EYS: variants seen among roughly 807,000 people sequenced by gnomAD.
EYS encodes EGF-like photoreceptor maintenance factor, also known as protein eyes shut homolog.
In EYS, 250 loss-of-function variants were observed where a neutral mutation model predicts 282.1. The observed-to-expected ratio is 0.89, with a 90% CI of 0.80 to 0.98. The LOEUF (loss-of-function observed/expected upper bound fraction) is 0.98, where lower values mean the gene tolerates loss of function less well. EYS is among the 50% of genes least tolerant of loss of function. EYS has a pLI of 0.00. For missense variants in EYS, 4,016 were observed against 3,709.0 expected (o/e 1.08, Z -2.15); for synonymous variants, 1,355 against 1,282.9 (o/e 1.06, Z -1.20).
intron 41 of EYS, among the ~76,000 whole-genome samples, chr6:63,737,290 A>G (rs1252249995): frequency 1.3e-5 from 2 of 152,194 alleles, no homozygotes; most frequent in Admixed American, 1.3e-4. Flanking sequence ...GAGAGTTTTT[A>G]GCATGAAGTG....
intron 22 of EYS, among the ~76,000 whole-genome samples, chr6:64,662,115 C>G (rs1222550411): frequency 1.3e-5 from 2 of 150,404 alleles, no homozygotes; most frequent in Non-Finnish European, 1.5e-5. Flanking sequence ...CCATCATTCT[C>G]AGCAAACTAT....
intron 31 of EYS, among the ~76,000 whole-genome samples, chr6:64,225,055 A>G (rs956869271): frequency 6.6e-6 from 1 of 152,094 alleles, no homozygotes; most frequent in East Asian, 1.9e-4. Context: ...GGCTCAGAAC[A>G]TGGCACATGT....
At chr6:65,638,771 C>T (rs964339998) in intron 2 of EYS, among the ~76,000 whole-genome samples, 3 of 152,218 alleles carry the variant, frequency 2.0e-5, no homozygotes, top group Non-Finnish European at 4.4e-5. Context: ...TACCCTTGGC[C>T]GGCGTGGGAT....
chr6:65,148,770 G>A (rs1301585477), intron 12 of EYS, among the ~76,000 whole-genome samples: 1 of 152,058 alleles, frequency 6.6e-6, no homozygotes, highest in East Asian at 1.9e-4. Flanking sequence ...GGACATCCAG[G>A]CATTTCCATA....
intron 26 of EYS, among the ~76,000 whole-genome samples, chr6:64,545,572 A>T (rs963210624): frequency 2.6e-5 from 4 of 152,184 alleles, no homozygotes; most frequent in African/African-American, 9.6e-5. Flanking sequence ...GAAAAGAGGA[A>T]ATCAAAATGT....
intron 22 of EYS, among the ~76,000 whole-genome samples, chr6:64,775,359 A>G (rs1255171463): frequency 3.9e-5 from 6 of 151,922 alleles, no homozygotes; most frequent in Admixed American, 3.9e-4. Flanking sequence ...TACCTCAATA[A>G]AATTATCCTG....
intron 18 of EYS, among the ~76,000 whole-genome samples, chr6:64,894,110 T>A (rs9453101): frequency 0.55 from 83,044 of 151,900 alleles, 23,522 homozygotes; most frequent in Non-Finnish European, 0.61. Flanking sequence ...TTAAGTGATA[T>A]ACTTTTATAT....
chr6:64,198,182 T>G (rs1765353218), intron 31 of EYS, among the ~76,000 whole-genome samples: 1 of 145,216 alleles, frequency 6.9e-6, no homozygotes, highest in Non-Finnish European at 1.5e-5. Context: ...TTTTTTTTTG[T>G]ATTTTTAGTA....
At chr6:63,823,680 A>G (rs978374311) in intron 36 of EYS, among the ~76,000 whole-genome samples, 6 of 151,592 alleles carry the variant, frequency 4.0e-5, no homozygotes, top group Non-Finnish European at 8.8e-5. Context: ...TACTTTATTT[A>G]TTTCACTTTC....
chr6:64,886,186 T>C (rs1767079780), intron 19 of EYS, among the ~76,000 whole-genome samples: 2 of 152,086 alleles, frequency 1.3e-5, no homozygotes, highest in Admixed American at 6.6e-5. Context: ...CTAATGCCTC[T>C]ACCTTCTATA....
chr6:64,833,597 A>G (rs899164676), intron 19 of EYS, among the ~76,000 whole-genome samples: 3 of 151,944 alleles, frequency 2.0e-5, no homozygotes, highest in Admixed American at 6.6e-5. Flanking sequence ...GAAGATACAT[A>G]TAACAACAAA....
At chr6:64,967,345 G>A (rs74588837) in intron 14 of EYS, among the ~76,000 whole-genome samples, 1 of 142,116 alleles carries the variant, frequency 7.0e-6, no homozygotes, top group Non-Finnish European at 1.5e-5. Context: ...TTTTTTTTAA[G>A]ACAGAGTCTC....
At chr6:64,879,256 A>C (rs1166915575) in intron 19 of EYS, among the ~76,000 whole-genome samples, 1 of 152,134 alleles carries the variant, frequency 6.6e-6, no homozygotes, top group African/African-American at 2.4e-5. Flanking sequence ...CTAAAATACA[A>C]TAGCTGGCTT....
rs74805224 is a variant in EYS, at chr6:65,146,166, G to GAA, written c.2024-88441_2024-88440dup. The stretch of plus-strand genomic sequence containing the variant: ...AAGCATATAACATAAAGTAACACTT[G>GAA]AAAAAAATACTTTCTGATATTTATT... On this transcript the variant is annotated intron_variant, in intron 12 of 42. Coordinates refer to ENST00000503581, the MANE Select transcript of EYS (RefSeq NM_001142800.2). Among the ~76,000 whole-genome samples, 713 of 151,416 alleles carry GAA rather than the reference G, an allele frequency of 4.7e-3. 5 individuals carry two copies. The highest frequency in any genetic ancestry group is 0.015 in the African/African-American group (630 of 41,340).
At chr6:63,760,219 GA>G (rs1225873039) in intron 41 of EYS, among the ~76,000 whole-genome samples, 1 of 151,940 alleles carries the variant, frequency 6.6e-6, no homozygotes, top group Non-Finnish European at 1.5e-5. Flanking sequence ...ACTAGTCCAT[GA>G]AAAAAGCAAT....
At chr6:64,939,207 AAGG>A (rs1383412534) in intron 15 of EYS, among the ~76,000 whole-genome samples, 2 of 151,852 alleles carry the variant, frequency 1.3e-5, no homozygotes, top group Admixed American at 6.6e-5. Context: ...TATAATCACA[AAGG>A]AGAAGCACAT....
intron 12 of EYS, among the ~76,000 whole-genome samples, chr6:65,152,185 T>C (rs1166208847): frequency 1.3e-5 from 2 of 151,998 alleles, no homozygotes; most frequent in Non-Finnish European, 2.9e-5. Flanking sequence ...AAAATGATTG[T>C]GTTGCTAAGA....
At chr6:65,107,533 A>G (rs186205575) in intron 12 of EYS, among the ~76,000 whole-genome samples, 1 of 151,880 alleles carries the variant, frequency 6.6e-6, no homozygotes, top group Non-Finnish European at 1.5e-5. Context: ...TTCTTGAGAA[A>G]AGTGAGAGCT....
intron 28 of EYS, among the ~76,000 whole-genome samples, chr6:64,398,593 A>T (rs1773453858): frequency 6.6e-6 from 1 of 151,894 alleles, no homozygotes; most frequent in Non-Finnish European, 1.5e-5. Context: ...ACATCCAAAC[A>T]CATTTATCCA....
Sources: gnomAD v4.1 joint callset for allele counts (sites outside exome capture counted in the v4.1 genomes callset) on GRCh38, gnomAD v4.1.1 for gene constraint, MANE v1.5 for transcripts, NCBI Gene and HGNC (gene_info 2026-07-23, HGNC 2026-07-21) for gene names.